The following ADGRL2 variants were observed in gnomAD, a reference collection of about 807,000 sequenced individuals.
ADGRL2 encodes calcium-independent alpha-latrotoxin receptor 2.
Under a neutral mutation model 157.4 loss-of-function variants are expected in ADGRL2, and 44 were observed. The observed-to-expected ratio is 0.28, with a 90% CI of 0.22 to 0.36. The LOEUF is 0.36. Ranked by LOEUF, ADGRL2 falls within the 10% of genes least tolerant of loss-of-function variation. ADGRL2 has a pLI of 1.00. For missense variants in ADGRL2, 1,510 were observed against 1,768.9 expected (o/e 0.85, Z 2.63); for synonymous variants, 585 against 624.7 (o/e 0.94, Z 0.95).
chr1:81,507,835 C>T (rs2079006171), intron 2 of ADGRL2, among the ~76,000 whole-genome samples: 1 of 152,108 alleles, frequency 6.6e-6, no homozygotes, highest in Non-Finnish European at 1.5e-5. Context: ...TTTCCATTCT[C>T]CTGGTAGAAA....
At chr1:81,705,472 C>A (rs2083703040) in intron 1 of ADGRL2, among the ~76,000 whole-genome samples, 1 of 151,904 alleles carries the variant, frequency 6.6e-6, no homozygotes, top group South Asian at 2.1e-4. Flanking sequence ...GGTCTCGAAC[C>A]CCTGACCTCA....
chr1:81,335,695 C>T (rs967271261), intron 1 of ADGRL2, among the ~76,000 whole-genome samples: 1 of 152,140 alleles, frequency 6.6e-6, no homozygotes, highest in Non-Finnish European at 1.5e-5. Flanking sequence ...GAAGGAGGAA[C>T]ATAATGTATG....
chr1:81,869,798 T>C (rs1488678841), intron 2 of ADGRL2, among the ~76,000 whole-genome samples: 3 of 152,100 alleles, frequency 2.0e-5, no homozygotes, highest in African/African-American at 7.2e-5. Context: ...TAAGTTTTTT[T>C]TAATTAAAAT....
rs139975762 is a variant in ADGRL2, at chr1:81,642,765, G to A, written c.-143+61785G>A. ...GGATTTATTCCAGGTATGCAAAACC[G>A]ATTAAACATTCAAAAATCAATTAAT... On this transcript the variant is annotated intron_variant, in intron 3 of 24. Transcript: ENST00000370721. Among the ~76,000 whole-genome samples the A allele has an allele frequency of 3.4e-3, 519 of 152,184 alleles. 5 individuals carry two copies. The highest frequency in any genetic ancestry group is 0.01 in the African/African-American group (427 of 41,528).
chr1:81,428,188 C>T (rs1205072833), intron 1 of ADGRL2, among the ~76,000 whole-genome samples: 2 of 152,096 alleles, frequency 1.3e-5, no homozygotes, highest in African/African-American at 2.4e-5. Context: ...CAAACCATGA[C>T]ATGAATGGGT....
At chr1:81,722,863 TC>T (rs2084381446) in intron 1 of ADGRL2, 5 of 710,198 alleles carry the variant, frequency 7.0e-6, no homozygotes, top group South Asian at 1.5e-5. Context: ...CTGGTAATTT[TC>T]CCAGAGGAAT....
intron 3 of ADGRL2, among the ~76,000 whole-genome samples, chr1:81,660,497 A>G (rs1489224288): frequency 1.3e-5 from 2 of 152,120 alleles, no homozygotes; most frequent in African/African-American, 4.8e-5. Context: ...CACCTCCAAA[A>G]GTAAATAGAA....
rs967735264 is a variant in ADGRL2 at position 81,741,850 on chromosome 1, T to G, written c.-142-19961T>G. ...GTAATATAAAATATATATTAAAATTTTATCAAAAAATTGAACACACAAAAG... is the reference window on the plus strand; with the variant it reads ...GTAATATAAAATATATATTAAAATTGTATCAAAAAATTGAACACACAAAAG... On this transcript the variant is annotated intron_variant, in intron 1 of 20. Coordinates refer to the ADGRL2 transcript ENST00000359929. Among the ~76,000 whole-genome samples the G allele has an allele frequency of 1.1e-4, 17 of 151,964 alleles. No homozygotes were observed. The South Asian group carries it at 3.1e-3, about 28-fold the overall frequency.
chr1:81,359,906 T>C (rs910378915), intron 1 of ADGRL2, among the ~76,000 whole-genome samples: 5 of 152,014 alleles, frequency 3.3e-5, no homozygotes, highest in African/African-American at 1.2e-4. Context: ...CAAGTCCTTT[T>C]AGGCCTACTT....
chr1:81,379,261 T>C (rs1487102504), intron 1 of ADGRL2, among the ~76,000 whole-genome samples: 3 of 152,114 alleles, frequency 2.0e-5, no homozygotes, highest in Non-Finnish European at 4.4e-5. Context: ...TAGGGGAGCA[T>C]ACAGACGGGC....
At chr1:81,440,157 A>G (rs772257424) in intron 1 of ADGRL2, among the ~76,000 whole-genome samples, 9 of 152,210 alleles carry the variant, frequency 5.9e-5, no homozygotes, top group Non-Finnish European at 1.0e-4. Context: ...GTGAGGATCA[A>G]TCAGAGGAAA....
chr1:81,627,459 A>G (rs910908932), intron 3 of ADGRL2, among the ~76,000 whole-genome samples: 1 of 152,160 alleles, frequency 6.6e-6, no homozygotes, highest in African/African-American at 2.4e-5. Context: ...GAATAATAAT[A>G]CTAATAATAG....
chr1:81,859,777 AG>A (rs2093331604), intron 2 of ADGRL2, among the ~76,000 whole-genome samples: 1 of 152,140 alleles, frequency 6.6e-6, no homozygotes, highest in Admixed American at 6.6e-5. Flanking sequence ...ATTTTTTGTG[AG>A]GCTTTTTAAA....
chr1:81,658,518 T>C (rs577269720), intron 3 of ADGRL2, among the ~76,000 whole-genome samples: 1 of 152,268 alleles, frequency 6.6e-6, no homozygotes, highest in South Asian at 2.1e-4. Context: ...ATCACCCAAA[T>C]AGTGTACATT....
At chr1:81,818,874 G>C (rs2090690928) in intron 1 of ADGRL2, among the ~76,000 whole-genome samples, 1 of 152,148 alleles carries the variant, frequency 6.6e-6, no homozygotes, top group African/African-American at 2.4e-5. Flanking sequence ...GGCAGAGGAG[G>C]ATTGTAGGCT....
chr1:81,818,563 C>T (rs1057146962), intron 1 of ADGRL2, among the ~76,000 whole-genome samples: 5 of 152,102 alleles, frequency 3.3e-5, no homozygotes, highest in African/African-American at 1.2e-4. Flanking sequence ...CAAGAACGAT[C>T]CTACTTATAA....
At chr1:81,775,126 G>T (rs571486189) in intron 2 of ADGRL2, among the ~76,000 whole-genome samples, 1 of 152,072 alleles carries the variant, frequency 6.6e-6, no homozygotes, top group African/African-American at 2.4e-5. Flanking sequence ...CCTTGGAAAA[G>T]GAGGAGGTAA....
intron 1 of ADGRL2, among the ~76,000 whole-genome samples, chr1:81,312,623 A>G (rs1659834508): frequency 1.3e-5 from 2 of 152,082 alleles, no homozygotes; most frequent in Admixed American, 6.5e-5. Context: ...GCTCTTAGTC[A>G]TTTCATTTTT....
At chr1:81,887,992 A>G (rs912956665) in intron 2 of ADGRL2, among the ~76,000 whole-genome samples, 8 of 152,188 alleles carry the variant, frequency 5.3e-5, no homozygotes, top group African/African-American at 1.7e-4. Flanking sequence ...GGCTGTGGCT[A>G]GACAGTCAAG....
Sources: allele counts gnomAD v4.1 joint callset (sites outside exome capture counted in the v4.1 genomes callset), GRCh38; gene constraint gnomAD v4.1.1; transcripts MANE v1.5; gene names NCBI Gene and HGNC (gene_info 2026-07-23, HGNC 2026-07-21).